Variants in KIAA0319 observed in about 807,000 individuals in gnomAD.
The protein encoded by KIAA0319 is dyslexia-associated protein KIAA0319.
Under a neutral mutation model 108.4 loss-of-function variants are expected in KIAA0319, and 83 were observed. The ratio of observed to expected loss-of-function variants is 0.77; its 90% confidence interval spans 0.64 to 0.92. KIAA0319 has a LOEUF of 0.92. Ranked by LOEUF, KIAA0319 falls within the 40% of genes least tolerant of loss-of-function variation. The pLI, the probability that KIAA0319 is intolerant of heterozygous loss-of-function variation, is 0.00. For missense variants in KIAA0319, 1,195 were observed against 1,322.4 expected (o/e 0.90, Z 1.49); for synonymous variants, 484 against 510.4 (o/e 0.95, Z 0.70).
chr6:24,583,716 A>C lies in KIAA0319; in HGVS notation c.995-14T>G, dbSNP rs370551823. On this transcript the variant is annotated splice_polypyrimidine_tract_variant and intron_variant, in intron 4 of 20. Coordinates refer to ENST00000378214, the MANE Select transcript of KIAA0319 (RefSeq NM_014809.4). ...TAAGTTCTTTCACTAAAAGTTAATT[A>C]GAAATAATACGTGCAATTATATAAT... 1.4e-6 allele frequency: 2 copies of C among 1,474,102 alleles called. No individual in the cohort carries two copies. Among genetic ancestry groups the C allele is most frequent in the Non-Finnish European group, 1.9e-6 (2 of 1,053,090 alleles). The allele number at this position is 1,474,102 out of a possible 1,614,324, so 91.3% of individuals were successfully genotyped here. A position where few individuals can be genotyped will look rare whatever the true frequency, so the allele number is the denominator to read the frequency against.
At position 24,596,626 on chromosome 6, in the gene KIAA0319, C is replaced by T. The variant is rs1242128794; in HGVS notation, c.56-8G>A. On this transcript the variant is annotated splice_polypyrimidine_tract_variant and splice_region_variant and intron_variant, in intron 2 of 20. Transcript: ENST00000378214. Reference sequence around the variant, plus strand: ...ACTGCTTACGGGCACAACCTTTAAACAAAGTAGTTTCTAATGAGGGAGAGA... The same window carrying T: ...ACTGCTTACGGGCACAACCTTTAAATAAAGTAGTTTCTAATGAGGGAGAGA... 1 of 1,586,678 alleles carries T rather than the reference C, an allele frequency of 6.3e-7. No homozygotes were observed. The highest frequency in any genetic ancestry group is 2.3e-5 in the East Asian group (1 of 44,338).
At chr6:24,609,947 C>T (rs923630301) in intron 1 of KIAA0319, among the ~76,000 whole-genome samples, 1 of 151,996 alleles carries the variant, frequency 6.6e-6, no homozygotes, top group Non-Finnish European at 1.5e-5. Context: ...CAAAATGGAT[C>T]GAGACCCAAA....
chr6:24,568,697 C>T, intron 13 of KIAA0319, 84 bp downstream of exon 13: 1 of 1,381,894 alleles, frequency 7.2e-7, no homozygotes, highest in Non-Finnish European at 9.9e-7. Flanking sequence ...ACACCAACAT[C>T]TCTGAATAGT....
In KIAA0319 at chr6:24,556,647, G is replaced by A. The variant is rs758110457; in HGVS notation, c.2817C>T (p.Asn939=). Residue 939 remains asparagine (N), a synonymous_variant, in exon 18 of 21, where the codon AAC becomes AAT. Transcript: ENST00000378214. The part of the protein sequence containing the change: ...RCICSHLWME[N]LIQRYIWDGE... ...CATCCCAGATATAACGCTGTATAAG[G>A]TTCTCCATCCATAAGTGAGAGCAAA... 3 of 1,614,022 alleles carry A rather than the reference G, an allele frequency of 1.9e-6. No homozygotes were observed. The highest frequency in any genetic ancestry group is 4.5e-5 in the East Asian group (2 of 44,856).
intron 20 of KIAA0319, 75 bp from the exon 21 acceptor site, chr6:24,547,418 G>C (rs192530422): frequency 7.6e-7 from 1 of 1,308,822 alleles, no homozygotes; most frequent in East Asian, 2.4e-5. Flanking sequence ...GTGGTTGCAG[G>C]TCCTGTGATG....
At chr6:24,601,276 T>C in intron 1 of KIAA0319, 68 bp from the exon 2 acceptor site, 1 of 1,423,826 alleles carries the variant, frequency 7.0e-7, no homozygotes, top group Non-Finnish European at 9.2e-7. Flanking sequence ...TCCAAAATTA[T>C]TTCTATCATT....
At chr6:24,633,601 A>T (rs576091533) in intron 1 of KIAA0319, among the ~76,000 whole-genome samples, 16 of 148,804 alleles carry the variant, frequency 1.1e-4, no homozygotes, top group Admixed American at 6.1e-4. Context: ...TTCTATATTT[A>T]AAAAAAAAAA....
In KIAA0319 at chr6:24,596,161, A is replaced by C; in HGVS notation, c.513T>G (p.Ser171Arg). 1 of 1,613,990 alleles carries C rather than the reference A, an allele frequency of 6.2e-7. No homozygotes were observed. Among genetic ancestry groups the C allele is most frequent in the Non-Finnish European group, 8.5e-7 (1 of 1,179,984 alleles). ...RELEKDLLQPSGKQEPRGSAE... is the reference protein window; with the variant it reads ...RELEKDLLQPRGKQEPRGSAE... ...CACTCCCTCTGGGCTCCTGCTTGCC[A>C]CTGGGTTGCAAGAGGTCCTTCTCCA... is the stretch of plus-strand genomic sequence containing the variant. Residue 171 changes from serine (S) to arginine (R), a missense_variant, in exon 3 of 21, where the codon AGT becomes AGG. Coordinates refer to ENST00000378214, the MANE Select transcript of KIAA0319 (RefSeq NM_014809.4).
At position 24,583,620 on chromosome 6, in the gene KIAA0319, C is replaced by T. The variant is rs141996892; in HGVS notation, c.1077G>A (p.Ala359=). 41 of 1,612,678 alleles carry T rather than the reference C, an allele frequency of 2.5e-5. No individual in the cohort carries two copies. Among genetic ancestry groups the T allele is most frequent in the Non-Finnish European group, 2.5e-5 (29 of 1,179,040 alleles). Residue 359 remains alanine, a synonymous_variant, in exon 5 of 21, where the codon GCG becomes GCA. Transcript: ENST00000378214. ...AACTCTCACCTACAGGTGGCGCTGG[C>T]GCAACAAAGGCCTTCAGTTCAACTT... ...DNEVELKAFV[A]PAPPVETTYN...
intron 1 of KIAA0319, among the ~76,000 whole-genome samples, chr6:24,630,681 G>GTATATATATA (rs781623420): frequency 1.9e-5 from 1 of 51,990 alleles, no homozygotes; most frequent in South Asian, 3.9e-4. Context: ...GTGTGTATAT[G>GTATATATATA]TGTATATATA....
intron 1 of KIAA0319, among the ~76,000 whole-genome samples, chr6:24,619,196 T>C (rs1773579689): frequency 6.6e-6 from 1 of 152,212 alleles, no homozygotes; most frequent in African/African-American, 2.4e-5. Flanking sequence ...ACCATGAAAC[T>C]GGAAATGTTT....
At chr6:24,613,530 T>C (rs149254759) in intron 1 of KIAA0319, among the ~76,000 whole-genome samples, 5 of 152,194 alleles carry the variant, frequency 3.3e-5, no homozygotes, top group African/African-American at 1.2e-4. Context: ...AGAGCTGACA[T>C]TTACACTTCA....
downstream of KIAA0319, among the ~76,000 whole-genome samples, chr6:24,543,787 A>C (rs188737954): frequency 2.0e-5 from 3 of 152,308 alleles, no homozygotes; most frequent in Admixed American, 6.5e-5. Context: ...GATGCAGTGT[A>C]AGTATACTCT....
intron 14 of KIAA0319, among the ~76,000 whole-genome samples, chr6:24,565,080 T>C: frequency 6.6e-6 from 1 of 151,952 alleles, no homozygotes; most frequent in East Asian, 1.9e-4. Flanking sequence ...ACCCCGTCTC[T>C]ACTAAAAATA....
At chr6:24,621,628 CTG>C (rs1773945298) in intron 1 of KIAA0319, among the ~76,000 whole-genome samples, 1 of 152,100 alleles carries the variant, frequency 6.6e-6, no homozygotes, top group Non-Finnish European at 1.5e-5. Flanking sequence ...GGGGGAAAAA[CTG>C]TGAGGGGAGG....
In KIAA0319 at chr6:24,576,543, A is replaced by T. The variant is rs80020211; in HGVS notation, c.1559T>A (p.Ile520Lys). 184 of 1,614,112 alleles carry T rather than the reference A, an allele frequency of 1.1e-4. 3 individuals are homozygous for T. In the African/African-American group the frequency reaches 1.3e-3, roughly 12 times the overall value. ...GATNSTTAAL[I>K]VNNAVDYPPV... ...TGGGTAGTCCACAGCATTGTTCACT[A>T]TTAGGGCTGCAGTTGTAGAGTTAGT... Residue 520 changes from isoleucine (I) to lysine (K), a missense_variant, in exon 10 of 21, where the codon ATA becomes AAA. Coordinates refer to ENST00000378214, the MANE Select transcript of KIAA0319 (RefSeq NM_014809.4).
intron 13 of KIAA0319, among the ~76,000 whole-genome samples, chr6:24,568,277 C>G (rs1764177431): frequency 6.6e-6 from 1 of 152,204 alleles, no homozygotes; most frequent in African/African-American, 2.4e-5. Flanking sequence ...TGCCATGAGT[C>G]TAGCACTCTG....
In KIAA0319 at chr6:24,581,894, A is replaced by G. The variant is rs978734634; in HGVS notation, c.1191+355T>C. Among the ~76,000 whole-genome samples the G allele has an allele frequency of 9.8e-5, 15 of 152,344 alleles. No homozygotes were observed. In the South Asian group the frequency reaches 1.0e-3, roughly 11 times the overall value. The stretch of plus-strand genomic sequence containing the variant: ...CGTGGTGGCTCATGCCTGTAATCCC[A>G]ACACTTTGGGAGGCCAAGGAGGGCA... On this transcript the variant is annotated intron_variant, in intron 6 of 20. Transcript: ENST00000378214.
At chr6:24,584,296 C>A (rs1254397130) in intron 4 of KIAA0319, among the ~76,000 whole-genome samples, 1 of 152,126 alleles carries the variant, frequency 6.6e-6, no homozygotes, top group Admixed American at 6.6e-5. Flanking sequence ...CAGAACAATA[C>A]TTGTTTACTT....
Sources: gnomAD v4.1 joint callset for allele counts (sites outside exome capture counted in the v4.1 genomes callset) on GRCh38, gnomAD v4.1.1 for gene constraint, MANE v1.5 for transcripts, NCBI Gene and HGNC (gene_info 2026-07-23, HGNC 2026-07-21) for gene names.